The following GBE1 variants were observed in gnomAD, a reference collection of about 807,000 sequenced individuals.
GBE1 encodes the protein 1,4-alpha-glucan branching enzyme 1.
GBE1 carries 70 observed loss-of-function variants against 88.8 expected under a neutral mutation model. The ratio of observed to expected loss-of-function variants is 0.79; its 90% CI spans 0.65 to 0.96. GBE1 has a LOEUF of 0.96. Ranked by LOEUF, GBE1 falls within the 40% of genes least tolerant of loss-of-function variation. The pLI is 0.00. For missense variants in GBE1, 872 were observed against 871.0 expected, an observed-to-expected ratio of 1.00 and a Z score of -0.01; for synonymous variants, 284 against 300.1, an observed-to-expected ratio of 0.95 and a Z score of 0.56.
chr3:81,519,821 TGGCAG>T (rs1702848903), intron 14 of GBE1, among the ~76,000 whole-genome samples: 1 of 151,498 alleles, frequency 6.6e-6, no homozygotes, highest in African/African-American at 2.4e-5. Context: ...TCAGAGGTTA[TGGCAG>T]GGCAGTGAGA....
chr3:81,628,251 C>T (rs934928499), intron 7 of GBE1, among the ~76,000 whole-genome samples: 6 of 152,064 alleles, frequency 3.9e-5, no homozygotes, highest in Admixed American at 2.0e-4. Flanking sequence ...GAAATAGGGG[C>T]CATGTCTTTC....
At chr3:81,639,341 A>ATT (rs58786681) in intron 7 of GBE1, among the ~76,000 whole-genome samples, 2,533 of 140,710 alleles carry the variant, frequency 0.018, 32 homozygotes, top group African/African-American at 0.025. Flanking sequence ...TGAAAGGTGT[A>ATT]TTTTTTTTTA....
chr3:81,624,332 TAC>T (rs2107019239), intron 7 of GBE1, among the ~76,000 whole-genome samples: 1 of 152,292 alleles, frequency 6.6e-6, no homozygotes, highest in South Asian at 2.1e-4. Context: ...TTATGGAGAT[TAC>T]ATTCAAGATG....
intron 1 of GBE1, among the ~76,000 whole-genome samples, chr3:81,729,031 C>G (rs1706152957): frequency 6.6e-6 from 1 of 152,070 alleles, no homozygotes; most frequent in South Asian, 2.1e-4. Context: ...TTACTAGGTG[C>G]TAGCAGAGAT....
rs13092311 is a variant in GBE1, at chr3:81,511,758, C to T, written c.1935-12531G>A. On this transcript the variant is annotated intron_variant, in intron 14 of 15. Transcript: ENST00000429644. Reference sequence around the variant, plus strand: ...GTGGGAAGTAAATTAGTTCAGCTCCCGTGTAAAGCAGCTTGTAAATGTCTC... The same window carrying T: ...GTGGGAAGTAAATTAGTTCAGCTCCTGTGTAAAGCAGCTTGTAAATGTCTC... Among the ~76,000 whole-genome samples, 1,195 of 151,582 alleles carry T rather than the reference C, an allele frequency of 7.9e-3. 8 individuals carry two copies. The highest frequency in any genetic ancestry group is 0.012 in the Non-Finnish European group (789 of 67,776).
At chr3:81,617,281 T>G (rs868006562) in intron 7 of GBE1, among the ~76,000 whole-genome samples, 1 of 152,006 alleles carries the variant, frequency 6.6e-6, no homozygotes. Context: ...TAAATAAGAA[T>G]GGTGATAGTG....
chr3:81,698,354 G>A (rs1213143546), intron 2 of GBE1, among the ~76,000 whole-genome samples: 1 of 151,874 alleles, frequency 6.6e-6, no homozygotes, highest in Non-Finnish European at 1.5e-5. Context: ...CTAAAGTTTG[G>A]GCCCTCTGAT....
chr3:81,671,223 T>G (rs1705184907), intron 2 of GBE1, among the ~76,000 whole-genome samples: 1 of 152,188 alleles, frequency 6.6e-6, no homozygotes, highest in African/African-American at 2.4e-5. Flanking sequence ...CTCTAATACT[T>G]CTGTCAATAA....
chr3:81,738,388 A>G (rs1375216058), intron 1 of GBE1, among the ~76,000 whole-genome samples: 8 of 151,500 alleles, frequency 5.3e-5, no homozygotes, highest in African/African-American at 1.9e-4. Flanking sequence ...AAGTGTTCCT[A>G]TTTCTCCACA....
chr3:81,521,396 T>C (rs1390400235), intron 14 of GBE1, among the ~76,000 whole-genome samples: 3 of 151,640 alleles, frequency 2.0e-5, no homozygotes, highest in African/African-American at 4.8e-5. Flanking sequence ...TTCAATTCAC[T>C]TGCTCAGTAG....
At chr3:81,513,578 A>C (rs141943898) in intron 14 of GBE1, among the ~76,000 whole-genome samples, 27 of 151,712 alleles carry the variant, frequency 1.8e-4, no homozygotes, top group African/African-American at 6.0e-4. Flanking sequence ...CAAAAAAAAA[A>C]CAAAAAACAA....
chr3:81,671,034 T>G, intron 2 of GBE1, 81 bp from the exon 3 acceptor site: 1 of 562,282 alleles, frequency 1.8e-6, no homozygotes, highest in Non-Finnish European at 3.0e-6. Flanking sequence ...AAAATACTGC[T>G]TTACTTGCAC....
chr3:81,607,430 T>C (rs559905184), intron 7 of GBE1, among the ~76,000 whole-genome samples: 1 of 152,142 alleles, frequency 6.6e-6, no homozygotes, highest in African/African-American at 2.4e-5. Context: ...ACACCTGTAA[T>C]CCCAGCTACT....
At position 81,740,452 on chromosome 3, in the gene GBE1, A is replaced by G. The variant is rs531278577; in HGVS notation, c.143+20923T>C. Among the ~76,000 whole-genome samples, 14 of 152,140 alleles carry G rather than the reference A, an allele frequency of 9.2e-5. 1 individual carries two copies. In the South Asian group the frequency reaches 2.7e-3, roughly 29 times the overall value. On this transcript the variant is annotated intron_variant, in intron 1 of 15. Coordinates refer to ENST00000429644, the MANE Select transcript of GBE1 (RefSeq NM_000158.4). ...GAAAAGCCAAAACAAAACAAAACAA[A>G]AAACAAATAATCATGAATTACATGG...
At chr3:81,583,480 C>T (rs887839759) in intron 10 of GBE1, among the ~76,000 whole-genome samples, 2 of 152,046 alleles carry the variant, frequency 1.3e-5, no homozygotes, top group Non-Finnish European at 2.9e-5. Flanking sequence ...GGATGTTTTT[C>T]AATGGGTGAA....
chr3:81,493,542 T>C (rs1169542313), intron 15 of GBE1, among the ~76,000 whole-genome samples: 2 of 152,012 alleles, frequency 1.3e-5, no homozygotes, highest in African/African-American at 4.8e-5. Flanking sequence ...TTTTTTTTTT[T>C]TTCTTTTTAG....
At chr3:81,732,150 G>A (rs1185773701) in intron 1 of GBE1, among the ~76,000 whole-genome samples, 2 of 152,032 alleles carry the variant, frequency 1.3e-5, no homozygotes, top group East Asian at 1.9e-4. Context: ...AAATATAGTT[G>A]TTAAATCAAC....
intron 7 of GBE1, among the ~76,000 whole-genome samples, chr3:81,604,839 TC>T (rs1333359220): frequency 2.6e-5 from 4 of 152,072 alleles, no homozygotes; most frequent in Non-Finnish European, 5.9e-5. Flanking sequence ...TTTCTTCCTT[TC>T]CCCCCACAGC....
At chr3:81,602,164 A>G (rs536898846) in intron 7 of GBE1, among the ~76,000 whole-genome samples, 26 of 152,342 alleles carry the variant, frequency 1.7e-4, no homozygotes, top group African/African-American at 6.0e-4. Context: ...ATTGGACAAT[A>G]TAACACTCAT....
Sources: allele counts gnomAD v4.1 joint callset (sites outside exome capture counted in the v4.1 genomes callset), GRCh38; gene constraint gnomAD v4.1.1; transcripts MANE v1.5; gene names NCBI Gene and HGNC (gene_info 2026-07-23, HGNC 2026-07-21).